Variants in AARS1 observed in about 807,000 individuals in gnomAD.
The protein encoded by AARS1 is alanyl-tRNA synthetase 1, also known as alanine--tRNA ligase, cytoplasmic.
Under a neutral mutation model 108.9 loss-of-function variants are expected in AARS1, and 72 were observed. The observed-to-expected ratio is 0.66, with a 90% CI of 0.55 to 0.80. The LOEUF is 0.80. Among genes scored for constraint, AARS1 ranks in the 30% least tolerant of loss-of-function variants. The pLI, the probability that AARS1 is intolerant of heterozygous loss-of-function variation, is 0.00. For synonymous variants in AARS1, 489 were observed against 465.7 expected (o/e 1.05, Z -0.64); for missense variants, 1,193 against 1,233.2 (o/e 0.97, Z 0.49).
chr16:70,285,251 T>C (rs151143817), intron 1 of AARS1, among the ~76,000 whole-genome samples: 2,860 of 151,668 alleles, frequency 0.019, 37 homozygotes, highest in Non-Finnish European at 0.03. Flanking sequence ...AAGGAAAACC[T>C]TGAAGGAACA....
chr16:70,256,917 C>G (rs2152152694), intron 15 of AARS1, among the ~76,000 whole-genome samples: 1 of 150,742 alleles, frequency 6.6e-6, no homozygotes, highest in African/African-American at 2.4e-5. Context: ...GAGTTCAAGA[C>G]CAGCCTGACC....
At chr16:70,272,334 G>A (rs1960426350) in intron 4 of AARS1, among the ~76,000 whole-genome samples, 1 of 151,384 alleles carries the variant, frequency 6.6e-6, no homozygotes, top group Non-Finnish European at 1.5e-5. Flanking sequence ...GAGAAACCTT[G>A]TCTCTACTAA....
At chr16:70,265,954 G>A (rs1027648843) in intron 9 of AARS1, among the ~76,000 whole-genome samples, 2 of 152,132 alleles carry the variant, frequency 1.3e-5, no homozygotes, top group Non-Finnish European at 2.9e-5. Flanking sequence ...CGAGGCGGGC[G>A]GATCATGAGG....
chr16:70,260,065 C>A (rs964427120), intron 13 of AARS1, among the ~76,000 whole-genome samples: 1 of 152,192 alleles, frequency 6.6e-6, no homozygotes, highest in African/African-American at 2.4e-5. Context: ...AGCCACTGTG[C>A]CCAGCCATAA....
At chr16:70,254,795 G>A (rs1959938134) in intron 16 of AARS1, 61 bp from the exon 17 acceptor site, 2 of 1,179,966 alleles carry the variant, frequency 1.7e-6, no homozygotes, top group Non-Finnish European at 2.5e-6. Context: ...ACTATCCTGT[G>A]TCTGAGCAGC....
Position 70,261,137 on chromosome 16 carries a change from CT to C in AARS1, c.1691del (p.Lys564ArgfsTer20). The C allele has an allele frequency of 6.2e-7, 1 of 1,613,604 alleles. No individual in the cohort carries two copies. Among genetic ancestry groups the C allele is most frequent in the East Asian group, 2.2e-5 (1 of 44,870 alleles). On this transcript the variant is annotated frameshift_variant, in exon 13 of 21. Coordinates refer to ENST00000261772, the MANE Select transcript of AARS1 (RefSeq NM_001605.3). LOFTEE classifies it high-confidence loss of function. ...CATACCCTCCTCGGACCTGAGCATT[CT>C]TCACTGTAAACTCTGTTTTCTAAGA... The part of the protein sequence containing the change: ...SSEDKTEFTV[K>X]NAQVRGGYVL...
intron 5 of AARS1, among the ~76,000 whole-genome samples, chr16:70,271,304 G>A (rs141337790): frequency 0.071 from 10,844 of 152,054 alleles, 1,285 homozygotes; most frequent in African/African-American, 0.25. Flanking sequence ...TGAGGCGGGC[G>A]GATCACCTGA....
chr16:70,261,626 T>C (rs979329211), intron 12 of AARS1, among the ~76,000 whole-genome samples: 1 of 150,428 alleles, frequency 6.6e-6, no homozygotes, highest in Non-Finnish European at 1.5e-5. Flanking sequence ...TTAAATATAT[T>C]TGTGCACACA....
At chr16:70,281,536 C>A (rs1321543643) in intron 2 of AARS1, among the ~76,000 whole-genome samples, 1 of 152,102 alleles carries the variant, frequency 6.6e-6, no homozygotes, top group Non-Finnish European at 1.5e-5. Context: ...TGTGGTGGCG[C>A]ACGCTTGTAG....
rs187242861 is a variant in AARS1 at position 70,278,371 on chromosome 16, G to A, written c.145-1217C>T. Among the ~76,000 whole-genome samples the A allele has an allele frequency of 1.0e-3, 156 of 152,024 alleles. 1 individual carries two copies. The highest frequency in any genetic ancestry group is 3.5e-3 in the African/African-American group (147 of 41,494). ...ACCTGAGGTCGGGAGTTCGAGACCAGCCTGACCAACATGGAGAAACCCTGT... is the reference window on the plus strand; with the variant it reads ...ACCTGAGGTCGGGAGTTCGAGACCAACCTGACCAACATGGAGAAACCCTGT... On this transcript the variant is annotated intron_variant, in intron 2 of 20. Transcript: ENST00000261772.
intron 1 of AARS1, 84 bp from the exon 2 acceptor site, chr16:70,282,868 C>T: frequency 3.6e-6 from 5 of 1,405,486 alleles, no homozygotes; most frequent in Non-Finnish European, 5.0e-6. Flanking sequence ...GCTTCTCAAG[C>T]CAAGTCAAAG....
At chr16:70,261,266 T>C (rs1027736833) in intron 12 of AARS1, 109 bp from the exon 13 acceptor site, 2 of 738,564 alleles carry the variant, frequency 2.7e-6, no homozygotes, top group East Asian at 3.0e-5. Flanking sequence ...CATATGTAAA[T>C]TGCACACACA....
rs1332894937 is a variant in AARS1, at chr16:70,265,113, G to A, written c.1348-11C>T. On this transcript the variant is annotated splice_polypyrimidine_tract_variant and intron_variant, in intron 10 of 20. Coordinates refer to ENST00000261772, the MANE Select transcript of AARS1 (RefSeq NM_001605.3). ...GCCCTGTGATTTCAGCTGTCAGCAA[G>A]AGAAACAAGCATAAGTTACCGTAAA... is the stretch of plus-strand genomic sequence containing the variant. The A allele has an allele frequency of 2.5e-6, 4 of 1,613,916 alleles. No individual in the cohort carries two copies. Among genetic ancestry groups the A allele is most frequent in the South Asian group, 2.2e-5 (2 of 91,084 alleles).
At chr16:70,257,995 T>A (rs369616839) in intron 15 of AARS1, 38 bp downstream of exon 15, 1 of 1,609,834 alleles carries the variant, frequency 6.2e-7, no homozygotes, top group African/African-American at 1.3e-5. Context: ...AGGATGAAGG[T>A]AGATGACCTG....
At chr16:70,253,670 G>C (rs955678548) in intron 19 of AARS1, 44 bp downstream of exon 19, 1 of 1,597,368 alleles carries the variant, frequency 6.3e-7, no homozygotes, top group African/African-American at 1.3e-5. Flanking sequence ...AGCCACCAGA[G>C]AGCTGATGAG....
intron 4 of AARS1, among the ~76,000 whole-genome samples, chr16:70,273,132 T>C (rs913714192): frequency 1.3e-5 from 2 of 151,672 alleles, no homozygotes; most frequent in Non-Finnish European, 2.9e-5. Flanking sequence ...GGAAGTTGGG[T>C]TGGAATAATA....
intron 11 of AARS1, among the ~76,000 whole-genome samples, chr16:70,262,856 T>G (rs1007746725): frequency 1.3e-5 from 2 of 148,776 alleles, no homozygotes; most frequent in Non-Finnish European, 3.0e-5. Context: ...TAGTCCCAGC[T>G]ACTCAGGAGG....
intron 1 of AARS1, among the ~76,000 whole-genome samples, chr16:70,286,362 ATTTTTTTTTT>A (rs1000406265): frequency 8.5e-6 from 1 of 117,106 alleles, no homozygotes; most frequent in Non-Finnish European, 1.7e-5. Flanking sequence ...CTCCACAGGA[ATTTTTTTTTT>A]TTTTTTTTTT....
Position 70,262,485 on chromosome 16 carries a change from C to G in AARS1, c.1532G>C (p.Arg511Thr). 1 of 1,614,064 alleles carries G rather than the reference C, an allele frequency of 6.2e-7. No homozygotes were observed. ...CACCTCTTCCACGAACATCTTCTCCCTGCGCAGAGCCATCACCGTAGCCAC... is the reference window on the plus strand; with the variant it reads ...CACCTCTTCCACGAACATCTTCTCCGTGCGCAGAGCCATCACCGTAGCCAC... Reference protein sequence around the residue: ...NTVATVMALRREKMFVEEVST... With the variant: ...NTVATVMALRTEKMFVEEVST... Residue 511 changes from arginine (R) to threonine (T), a missense_variant, in exon 12 of 21, where the codon AGG becomes ACG. Physicochemically the swap from Arg to Thr is moderately conservative, Grantham distance 71 (BLOSUM62 -1). Transcript: ENST00000261772.
Sources: gnomAD v4.1 joint callset for allele counts (sites outside exome capture counted in the v4.1 genomes callset) on GRCh38, gnomAD v4.1.1 for gene constraint, MANE v1.5 for transcripts, NCBI Gene and HGNC (gene_info 2026-07-23, HGNC 2026-07-21) for gene names.